PMFBP1: variants seen among roughly 807,000 people sequenced by gnomAD.
The protein encoded by PMFBP1 is polyamine-modulated factor 1-binding protein 1.
A neutral mutation model predicts 137.8 loss-of-function variants in PMFBP1; 131 were observed. That is an observed-to-expected ratio of 0.95 (90% CI 0.82 to 1.10). The LOEUF (loss-of-function observed/expected upper bound fraction) is 1.10, where lower values mean the gene tolerates loss of function less well. Among genes scored for constraint, PMFBP1 ranks in the 50% least tolerant of loss-of-function variants. PMFBP1 has a pLI of 0.00. For synonymous variants in PMFBP1, 490 were observed against 450.4 expected (o/e 1.09, Z -1.11); for missense variants, 1,199 against 1,175.4 (o/e 1.02, Z -0.29).
chr16:72,201,130 C>A, the PMFBP1 span, among the ~76,000 whole-genome samples: 1 of 152,186 alleles, frequency 6.6e-6, no homozygotes, highest in Non-Finnish European at 1.5e-5. Flanking sequence ...TGTGACCACA[C>A]CATTGCTTTC....
At chr16:72,168,152 G>A (rs561845595) in intron 2 of PMFBP1, among the ~76,000 whole-genome samples, 67 of 152,258 alleles carry the variant, frequency 4.4e-4, no homozygotes, top group African/African-American at 1.6e-3. Context: ...TAAACCAGTT[G>A]AATAACAAAT....
At chr16:72,219,399 C>G in the PMFBP1 span, among the ~76,000 whole-genome samples, 5 of 152,176 alleles carry the variant, frequency 3.3e-5, no homozygotes, top group South Asian at 1.0e-3. Flanking sequence ...AGCAGGACGG[C>G]AGGGATGGGA....
intron 3 of PMFBP1, among the ~76,000 whole-genome samples, chr16:72,162,500 G>C (rs1260110458): frequency 6.6e-6 from 1 of 152,184 alleles, no homozygotes; most frequent in African/African-American, 2.4e-5. Context: ...CTCCTTGTTA[G>C]AGAGTAGTCA....
chr16:72,124,975 C>A, intron 16 of PMFBP1, 41 bp from the exon 17 acceptor site: 1 of 1,601,618 alleles, frequency 6.2e-7, no homozygotes, highest in Non-Finnish European at 8.5e-7. Flanking sequence ...CTCCAGCTGG[C>A]CTCCCTGACC....
chr16:72,142,476 G>A (rs916833348), intron 5 of PMFBP1, among the ~76,000 whole-genome samples: 1 of 152,190 alleles, frequency 6.6e-6, no homozygotes, highest in African/African-American at 2.4e-5. Flanking sequence ...GAAACACACT[G>A]ACATCTAACA....
At chr16:72,140,269 C>G in intron 6 of PMFBP1, 143 bp downstream of exon 6, 3 of 838,198 alleles carry the variant, frequency 3.6e-6, no homozygotes, top group Non-Finnish European at 5.6e-6. Context: ...AGAATATGAA[C>G]AAAGTTGGGG....
intron 14 of PMFBP1, among the ~76,000 whole-genome samples, chr16:72,128,206 C>G (rs2042490453): frequency 6.6e-6 from 1 of 152,176 alleles, no homozygotes; most frequent in South Asian, 2.1e-4. Flanking sequence ...TAAATGACGA[C>G]TGAATTCAAG....
At chr16:72,155,814 T>G (rs2042971619) in intron 3 of PMFBP1, among the ~76,000 whole-genome samples, 1 of 152,152 alleles carries the variant, frequency 6.6e-6, no homozygotes, top group South Asian at 2.1e-4. Context: ...TTAGAACATT[T>G]CTATCAACCC....
At chr16:72,209,874 C>A in the PMFBP1 span, among the ~76,000 whole-genome samples, 1 of 152,200 alleles carries the variant, frequency 6.6e-6, no homozygotes, top group Non-Finnish European at 1.5e-5. Flanking sequence ...GCATGTTTTC[C>A]CTGTTCTTAC....
the PMFBP1 span, among the ~76,000 whole-genome samples, chr16:72,189,680 G>A: frequency 6.6e-6 from 1 of 152,110 alleles, no homozygotes; most frequent in African/African-American, 2.4e-5. Context: ...TTGCCCAAGG[G>A]GTCTTCCTGC....
rs1261965495 is a variant in PMFBP1 at position 72,161,554 on chromosome 16, A to G, written c.165+3210T>C. ...CACTAGTGACTTCTGCTTGCCTGAC[A>G]TTCACTTTAAAAAAAGTATTTTAGA... On this transcript the variant is annotated intron_variant, in intron 3 of 20. Transcript: ENST00000237353. Among the ~76,000 whole-genome samples, 5 of 152,010 alleles carry G rather than the reference A, an allele frequency of 3.3e-5. No individual in the cohort carries two copies. The East Asian group carries it at 9.7e-4, about 29-fold the overall frequency.
intron 18 of PMFBP1, 25 bp downstream of exon 18, chr16:72,123,521 C>A (rs772625416): frequency 3.4e-5 from 54 of 1,607,686 alleles, no homozygotes; most frequent in Non-Finnish European, 4.6e-5. Context: ...TCGGACCCTG[C>A]CTCCCTTTTT....
chr16:72,123,486 G>C, intron 18 of PMFBP1, 60 bp downstream of exon 18: 1 of 1,473,012 alleles, frequency 6.8e-7, no homozygotes, highest in Non-Finnish European at 9.4e-7. Flanking sequence ...TGGCACGCAT[G>C]TGGCTCCTCG....
Position 72,130,377 on chromosome 16 carries a change from A to G in PMFBP1, c.1638-20T>C, listed in dbSNP as rs768121446. On this transcript the variant is annotated intron_variant, in intron 11 of 20. Coordinates refer to ENST00000237353, the MANE Select transcript of PMFBP1 (RefSeq NM_031293.3). ...CGTTTTCTAAAGCAAAATAACAGCC[A>G]CAGGAGGACAGACTTCAGTGCCCAT... 2.5e-6 allele frequency: 4 copies of G among 1,614,036 alleles called. No homozygotes were observed. In the East Asian group the frequency reaches 6.7e-5, roughly 27 times the overall value.
chr16:72,128,890 C>T (rs2042503581), intron 13 of PMFBP1, 96 bp from the exon 14 acceptor site: 9 of 1,552,866 alleles, frequency 5.8e-6, no homozygotes, highest in South Asian at 1.2e-5. Context: ...CCAGCTCTAT[C>T]TCCACCCTGC....
intron 14 of PMFBP1, chr16:72,128,335 G>C: frequency 1.6e-6 from 2 of 1,270,636 alleles, no homozygotes; most frequent in Non-Finnish European, 2.0e-6. Context: ...AGTTTTGGAA[G>C]TGTTCCCTAG....
upstream of PMFBP1, among the ~76,000 whole-genome samples, chr16:72,178,112 C>G (rs1438112193): frequency 6.6e-6 from 1 of 152,108 alleles, no homozygotes. Context: ...AGGCTAGTCT[C>G]AAACTCCTGA....
chr16:72,169,579 C>G (rs1010967071), intron 2 of PMFBP1, among the ~76,000 whole-genome samples: 2 of 151,920 alleles, frequency 1.3e-5, no homozygotes, highest in African/African-American at 4.8e-5. Flanking sequence ...ACTTATGTAA[C>G]AAACCTGCAC....
At chr16:72,232,759 G>T in the PMFBP1 span, among the ~76,000 whole-genome samples, 1 of 152,088 alleles carries the variant, frequency 6.6e-6, no homozygotes, top group Non-Finnish European at 1.5e-5. Flanking sequence ...AAGACTTCAG[G>T]GAGACAGCCT....
Sources: gnomAD v4.1 joint callset for allele counts (sites outside exome capture counted in the v4.1 genomes callset) on GRCh38, gnomAD v4.1.1 for gene constraint, MANE v1.5 for transcripts, NCBI Gene and HGNC (gene_info 2026-07-23, HGNC 2026-07-21) for gene names.